Variants in SYNE1 observed in about 807,000 individuals in gnomAD.
SYNE1 encodes the protein nesprin-1.
A neutral mutation model predicts 1,111.0 loss-of-function variants in SYNE1; 616 were observed. The observed-to-expected ratio is 0.55, with a 90% confidence interval of 0.52 to 0.59. The LOEUF (loss-of-function observed/expected upper bound fraction) is 0.59. SYNE1 is among the 20% of genes least tolerant of loss of function. The probability of loss-of-function intolerance (pLI) is 0.00; values close to 1 mark genes in which losing one functional copy is unlikely to be tolerated. For synonymous variants in SYNE1, 3,855 were observed against 3,825.8 expected, an observed-to-expected ratio of 1.01 and a Z score of -0.28; for missense variants, 10,006 against 10,417.0, an observed-to-expected ratio of 0.96 and a Z score of 1.72.
chr6:152,429,527 T>C (rs2098408230), intron 36 of SYNE1, among the ~76,000 whole-genome samples: 1 of 152,210 alleles, frequency 6.6e-6, no homozygotes, highest in Non-Finnish European at 1.5e-5. Flanking sequence ...TAAATGTTCG[T>C]GCACACATGA....
chr6:152,441,288 A>C lies in SYNE1; in HGVS notation c.4009-18T>G. ...AATGTGACCTAAATTTGAAAAAATA[A>C]ACAACAAATGGGTTACAAATGTCAC... On this transcript the variant is annotated intron_variant, in intron 31 of 145. Coordinates refer to ENST00000367255, the MANE Select transcript of SYNE1 (RefSeq NM_182961.4). The C allele has an allele frequency of 6.3e-7, 1 of 1,597,952 alleles. No homozygotes were observed. The highest frequency in any genetic ancestry group is 8.5e-7 in the Non-Finnish European group (1 of 1,170,380).
At chr6:152,497,857 C>T (rs577299439) in intron 11 of SYNE1, among the ~76,000 whole-genome samples, 1 of 152,154 alleles carries the variant, frequency 6.6e-6, no homozygotes, top group Admixed American at 6.5e-5. Context: ...ACGTGGCAAC[C>T]TATTGCTTAT....
intron 113 of SYNE1, 61 bp from the exon 114 acceptor site, chr6:152,231,628 T>C: frequency 1.3e-6 from 2 of 1,539,208 alleles, no homozygotes; most frequent in South Asian, 2.3e-5. Context: ...TTTCCAGGAG[T>C]TGGAAAGCCT....
At chr6:152,531,275 A>G (rs762694613) in intron 4 of SYNE1, among the ~76,000 whole-genome samples, 53 of 152,214 alleles carry the variant, frequency 3.5e-4, no homozygotes, top group Admixed American at 5.9e-4. Context: ...GAAACTGTGA[A>G]AAAGGAAAAT....
chr6:152,238,037 A>C (rs1422047638), intron 108 of SYNE1, among the ~76,000 whole-genome samples: 11 of 152,188 alleles, frequency 7.2e-5, no homozygotes. Flanking sequence ...AACAGACACA[A>C]ACCCAGGCCT....
intron 87 of SYNE1, among the ~76,000 whole-genome samples, chr6:152,311,795 A>G (rs1385068654): frequency 2.3e-5 from 3 of 128,788 alleles, no homozygotes; most frequent in African/African-American, 8.8e-5. Context: ...TTCTTTTTTG[A>G]GACGGAGTCT....
chr6:152,155,974 C>T lies in SYNE1; in HGVS notation c.23914G>A (p.Ala7972Thr), dbSNP rs1000667542. The T allele has an allele frequency of 1.2e-6, 2 of 1,614,166 alleles. No individual in the cohort carries two copies. The highest frequency in any genetic ancestry group is 1.7e-5 in the Admixed American group (1 of 60,008). Reference sequence around the variant, plus strand: ...CACCGCCGGTCCAGGTTTCTCGTAGCCTGCTGTATAGAGTCACACTCGGCA... The same window carrying T: ...CACCGCCGGTCCAGGTTTCTCGTAGTCTGCTGTATAGAGTCACACTCGGCA... Reference protein sequence around the residue: ...TDAECDSIQQATRNLDRRWRN... With the variant: ...TDAECDSIQQTTRNLDRRWRN... Residue 7972 changes from alanine to threonine, a missense_variant, in exon 132 of 146, where the codon GCT becomes ACT. Physicochemically the swap from Ala to Thr is moderately conservative, Grantham distance 58. Coordinates refer to ENST00000367255, the MANE Select transcript of SYNE1 (RefSeq NM_182961.4).
chr6:152,524,984 G>T (rs2099156950), intron 5 of SYNE1, among the ~76,000 whole-genome samples: 1 of 152,118 alleles, frequency 6.6e-6, no homozygotes, highest in South Asian at 2.1e-4. Context: ...TTTAAGAAAA[G>T]CCCTGAGGCA....
chr6:152,465,760 A>AACACACACACACAC lies in SYNE1; in HGVS notation c.1729+221_1729+222insGTGTGTGTGTGTGT, dbSNP rs113781129. Among the ~76,000 whole-genome samples the AACACACACACACAC allele has an allele frequency of 7.7e-3, 1,026 of 133,288 alleles. 9 individuals are homozygous for AACACACACACACAC. Among genetic ancestry groups the AACACACACACACAC allele is most frequent in the African/African-American group, 0.022 (756 of 34,162 alleles). The allele number at this position is 133,288 out of a possible 152,430, so 87.4% of individuals were successfully genotyped here. A position where few individuals can be genotyped will look rare whatever the true frequency, so the allele number is the denominator to read the frequency against. ...TGCTTATTTTGTTCTCTCTTAGAAG[A>AACACACACACACAC]ACACATACACACACACACACACACA... On this transcript the variant is annotated intron_variant, in intron 17 of 145. Transcript: ENST00000367255.
rs2095802900 is a variant in SYNE1 at position 152,318,926 on chromosome 6, T to C, written c.16326A>G (p.Thr5442=). Residue 5442 remains threonine, a synonymous_variant, in exon 85 of 146, where the codon ACA becomes ACG. Transcript: ENST00000367255. The stretch of plus-strand genomic sequence containing the variant: ...TCGCTTTCAGCTTAGTTAGAATAGT[T>C]GTGAGGTCTTTAGCTAACTTCTGAA... The part of the protein sequence containing the change: ...RQIQKLAKDL[T]TILTKLKAKT... 2 of 1,614,242 alleles carry C rather than the reference T, an allele frequency of 1.2e-6. No homozygotes were observed. Among genetic ancestry groups the C allele is most frequent in the Non-Finnish European group, 1.7e-6 (2 of 1,180,038 alleles).
At position 152,342,898 on chromosome 6, in the gene SYNE1, C is replaced by T. The variant is rs891303044; in HGVS notation, c.12225+1183G>A. Among the ~76,000 whole-genome samples, 4 of 152,284 alleles carry T rather than the reference C, an allele frequency of 2.6e-5. No individual in the cohort carries two copies. In the East Asian group the frequency reaches 7.7e-4, roughly 29 times the overall value. On this transcript the variant is annotated intron_variant, in intron 74 of 145. Transcript: ENST00000367255. ...ATCCATTCAATAATTATCTATGAAG[C>T]ACCTTGTTTTTGCCCCAAAACTATG... is the stretch of plus-strand genomic sequence containing the variant.
chr6:152,557,314 T>C (rs1361928437), intron 3 of SYNE1, among the ~76,000 whole-genome samples: 1 of 151,974 alleles, frequency 6.6e-6, no homozygotes, highest in African/African-American at 2.4e-5. Context: ...CTATGGAACA[T>C]ATGAAACACC....
Position 152,465,243 on chromosome 6 carries a change from A to G in SYNE1, c.1932+15T>C, listed in dbSNP as rs1375049008. 5.0e-6 allele frequency: 8 copies of G among 1,613,132 alleles called. No homozygotes were observed. Among genetic ancestry groups the G allele is most frequent in the East Asian group, 2.2e-5 (1 of 44,880 alleles). ...TACATCAAACGTCTTTTCTTTTTGC[A>G]TGAACCAATCTTACCTTTTTGGCAT... On this transcript the variant is annotated intron_variant, in intron 18 of 145. Coordinates refer to ENST00000367255, the MANE Select transcript of SYNE1 (RefSeq NM_182961.4).
At chr6:152,340,168 G>A (rs965388058) in intron 74 of SYNE1, among the ~76,000 whole-genome samples, 11 of 152,216 alleles carry the variant, frequency 7.2e-5, no homozygotes, top group African/African-American at 2.7e-4. Flanking sequence ...AGGCCCCTCT[G>A]AGGAAACGAC....
At chr6:152,296,784 C>A (rs1450484420) in intron 93 of SYNE1, among the ~76,000 whole-genome samples, 2 of 151,996 alleles carry the variant, frequency 1.3e-5, no homozygotes, top group Non-Finnish European at 2.9e-5. Context: ...ACACTGGGCC[C>A]TGTGTCTTTG....
chr6:152,543,892 G>C (rs139956597), intron 3 of SYNE1, among the ~76,000 whole-genome samples: 5 of 152,314 alleles, frequency 3.3e-5, no homozygotes, highest in African/African-American at 9.6e-5. Context: ...ATGTAGCCTA[G>C]ATGTGTAATA....
At position 152,458,881 on chromosome 6, in the gene SYNE1, A is replaced by T. The variant is rs769963625; in HGVS notation, c.2444T>A (p.Ile815Asn). Residue 815 changes from isoleucine to asparagine, a missense_variant, in exon 22 of 146, where the codon ATT (isoleucine) becomes AAT (asparagine). Coordinates refer to ENST00000367255, the MANE Select transcript of SYNE1 (RefSeq NM_182961.4). The stretch of plus-strand genomic sequence containing the variant: ...CTGCTTTTCTAATTCCTCCAACGGA[A>T]TCAACAGCTGCTGAGACTCATAAAG... ...PLLYESQQLL[I>N]PLEELEKQMT... 3 of 1,614,072 alleles carry T rather than the reference A, an allele frequency of 1.9e-6. No individual in the cohort carries two copies. The highest frequency in any genetic ancestry group is 2.5e-6 in the Non-Finnish European group (3 of 1,179,968).
intron 49 of SYNE1, among the ~76,000 whole-genome samples, chr6:152,397,554 A>G (rs1002046890): frequency 1.3e-5 from 2 of 152,164 alleles, no homozygotes; most frequent in East Asian, 1.9e-4. Flanking sequence ...AAAAGGAGAC[A>G]ATTCTACATC....
At chr6:152,241,201 G>A (rs547684686) in intron 107 of SYNE1, among the ~76,000 whole-genome samples, 3 of 152,212 alleles carry the variant, frequency 2.0e-5, no homozygotes, top group African/African-American at 4.8e-5. Flanking sequence ...GGTCAACAAC[G>A]TGAGAAACAC....
Sources: allele counts gnomAD v4.1 joint callset (sites outside exome capture counted in the v4.1 genomes callset), GRCh38; gene constraint gnomAD v4.1.1; transcripts MANE v1.5; gene names NCBI Gene and HGNC (gene_info 2026-07-23, HGNC 2026-07-21).